CROCC: variants seen among roughly 807,000 people sequenced by gnomAD.
CROCC encodes the protein ciliary rootlet coiled-coil, rootletin.
In CROCC, 180 loss-of-function variants were observed where a neutral mutation model predicts 245.2. The ratio of observed to expected loss-of-function variants is 0.73; its 90% CI spans 0.65 to 0.83. CROCC has a LOEUF of 0.83. Among genes scored for constraint, CROCC ranks in the 40% least tolerant of loss-of-function variants. The probability of loss-of-function intolerance (pLI) is 0.00; values close to 1 mark genes in which losing one functional copy is unlikely to be tolerated. For synonymous variants in CROCC, 1,205 were observed against 1,241.6 expected, an observed-to-expected ratio of 0.97 and a Z score of 0.62; for missense variants, 2,688 against 2,779.4, an observed-to-expected ratio of 0.97 and a Z score of 0.74.
chr1:16,930,275 C>G lies in CROCC; in HGVS notation c.622-11C>G, dbSNP rs2075639908. On this transcript the variant is annotated splice_polypyrimidine_tract_variant and intron_variant, in intron 5 of 36. Transcript: ENST00000375541. ...TGCCCAACCTGATGCTTTAACCTCT[C>G]TCCCACCCAGGACACAGAGCACAGC... The G allele has an allele frequency of 6.3e-7, 1 of 1,599,186 alleles. No individual in the cohort carries two copies. Among genetic ancestry groups the G allele is most frequent in the Non-Finnish European group, 8.5e-7 (1 of 1,173,492 alleles).
Position 16,969,412 on chromosome 1 carries a change from G to A in CROCC, c.5301+72G>A, listed in dbSNP as rs1032434228. On this transcript the variant is annotated intron_variant, in intron 32 of 36. Coordinates refer to ENST00000375541, the MANE Select transcript of CROCC (RefSeq NM_014675.5). Reference sequence around the variant, plus strand: ...GCCAGTAAGAGCAGGCTTGGAGGGGGGCCCTGGTAGAGAGCCAGCCAATGG... The same window carrying A: ...GCCAGTAAGAGCAGGCTTGGAGGGGAGCCCTGGTAGAGAGCCAGCCAATGG... 4 of 1,449,614 alleles carry A rather than the reference G, an allele frequency of 2.8e-6. No homozygotes were observed. In the South Asian group the frequency reaches 3.7e-5, roughly 13 times the overall value. The allele number at this position is 1,449,614 out of a possible 1,614,324, so 89.8% of individuals were successfully genotyped here.
In CROCC at chr1:16,943,008, C is replaced by T. The variant is rs1354863996; in HGVS notation, c.1809-1092C>T. ...CTGTAATCCCAGCACTTTGGGAGGCCGAGGCAGGAGGACCACCTGAGGTCG... is the reference window on the plus strand; with the variant it reads ...CTGTAATCCCAGCACTTTGGGAGGCTGAGGCAGGAGGACCACCTGAGGTCG... On this transcript the variant is annotated intron_variant, in intron 13 of 36. Transcript: ENST00000375541. Among the ~76,000 whole-genome samples the T allele has an allele frequency of 3.9e-5, 6 of 152,318 alleles. No individual in the cohort carries two copies. The South Asian group carries it at 6.2e-4, about 16-fold the overall frequency.
upstream of CROCC, chr1:16,921,808 C>G: frequency 1.7e-6 from 1 of 574,860 alleles, no homozygotes; most frequent in South Asian, 2.3e-5. Context: ...CTCCCTGCCT[C>G]TGCTTCCCTC....
chr1:16,944,350 C>A lies in CROCC; in HGVS notation c.1991+68C>A, dbSNP rs6662906. On this transcript the variant is annotated intron_variant, in intron 14 of 36. Coordinates refer to ENST00000375541, the MANE Select transcript of CROCC (RefSeq NM_014675.5). ...CCTCGGGTCCCCTGACAGTGCCCCC[C>A]TGGGGTTAGGTGACACCCACTGGGT... 2.0e-3 allele frequency: 2,897 copies of A among 1,443,070 alleles called. 1 individual carries two copies. Among genetic ancestry groups the A allele is most frequent in the Middle Eastern group, 6.9e-3 (34 of 4,894 alleles). The allele number at this position is 1,443,070 out of a possible 1,614,324, so 89.4% of individuals were successfully genotyped here. A position where few individuals can be genotyped will look rare whatever the true frequency, so the allele number is the denominator to read the frequency against.
At position 16,954,712 on chromosome 1, in the gene CROCC, C is replaced by G; in HGVS notation, c.3322-22C>G. The G allele has an allele frequency of 6.5e-7, 1 of 1,535,676 alleles. No homozygotes were observed. Among genetic ancestry groups the G allele is most frequent in the Non-Finnish European group, 8.8e-7 (1 of 1,137,092 alleles). Reference sequence around the variant, plus strand: ...GCTGGGGGACACAGCAGGACCAAGTCTGAGGAGCCCCTCTGTCCCAGAGCA... The same window carrying G: ...GCTGGGGGACACAGCAGGACCAAGTGTGAGGAGCCCCTCTGTCCCAGAGCA... On this transcript the variant is annotated intron_variant, in intron 22 of 36. Coordinates refer to ENST00000375541, the MANE Select transcript of CROCC (RefSeq NM_014675.5). The surrounding 1 kb of genome is among the most constrained non-coding windows in gnomAD (Gnocchi z 4.4).
At chr1:16,933,516 G>C (rs1186374520) in intron 8 of CROCC, among the ~76,000 whole-genome samples, 1 of 152,198 alleles carries the variant, frequency 6.6e-6, no homozygotes, top group Non-Finnish European at 1.5e-5. Flanking sequence ...TTTACAATTT[G>C]TTTGAATCTC....
In CROCC at chr1:16,922,707, G is replaced by A. The variant is rs764907596; in HGVS notation, c.105G>A (p.Ala35=). The A allele has an allele frequency of 4.2e-5, 68 of 1,613,566 alleles. No individual in the cohort carries two copies. In the East Asian group the frequency reaches 4.7e-4, roughly 11 times the overall value. ...TGTGCCAGGAGAAAGGCTTGGGCGCGCGGGACCTGGCCCAGGACGCTCAGA... is the reference window on the plus strand; with the variant it reads ...TGTGCCAGGAGAAAGGCTTGGGCGCACGGGACCTGGCCCAGGACGCTCAGA... ...SVLCQEKGLG[A]RDLAQDAQIT... The change falls in exon 2 of 37, where the codon GCG becomes GCA. Residue 35 remains alanine (A), a synonymous_variant. Coordinates refer to ENST00000375541, the MANE Select transcript of CROCC (RefSeq NM_014675.5).
chr1:16,933,800 C>A (rs1279576583), intron 8 of CROCC, among the ~76,000 whole-genome samples: 3 of 152,276 alleles, frequency 2.0e-5, no homozygotes, highest in Non-Finnish European at 4.4e-5. Flanking sequence ...CTCAGGTGAT[C>A]CACCTACCTT....
intron 3 of CROCC, among the ~76,000 whole-genome samples, chr1:16,927,701 G>C (rs2075567279): frequency 6.6e-6 from 1 of 152,282 alleles, no homozygotes; most frequent in South Asian, 2.1e-4. Context: ...CAACATCAGT[G>C]CACAGCCTGT....
At chr1:16,947,348 A>G (rs2076072313) in intron 17 of CROCC, among the ~76,000 whole-genome samples, 1 of 152,250 alleles carries the variant, frequency 6.6e-6, no homozygotes, top group Admixed American at 6.5e-5. Flanking sequence ...ACGCGCCTGT[A>G]GTCCCAGCTA....
chr1:16,914,799 G>A (rs1245224943), intron 1 of CROCC, among the ~76,000 whole-genome samples: 3 of 152,280 alleles, frequency 2.0e-5, no homozygotes, highest in Non-Finnish European at 4.4e-5. Flanking sequence ...CCATGCTGGG[G>A]CGGATGTCTG....
In CROCC at chr1:16,954,477, A is replaced by G; in HGVS notation, c.3321+120A>G. 2 of 1,384,500 alleles carry G rather than the reference A, an allele frequency of 1.4e-6. No homozygotes were observed. Among genetic ancestry groups the G allele is most frequent in the African/African-American group, 1.5e-5 (1 of 68,854 alleles). The allele number at this position is 1,384,500 out of a possible 1,614,324, so 85.8% of individuals were successfully genotyped here. A position where few individuals can be genotyped will look rare whatever the true frequency, so the allele number is the denominator to read the frequency against. ...AGAAGCTTCCAGGCTGTGGGAAAGG[A>G]GGTTTAGCCCTTCTTTTGGGAGCCC... On this transcript the variant is annotated intron_variant, in intron 22 of 36. Transcript: ENST00000375541. This position sits in a 1 kb window ranked among gnomAD's most constrained non-coding sequence, Gnocchi z 4.4.
At chr1:16,938,766 G>A in intron 11 of CROCC, 143 bp from the exon 12 acceptor site, 1 of 864,216 alleles carries the variant, frequency 1.2e-6, no homozygotes, top group Non-Finnish European at 1.8e-6. Flanking sequence ...TGAGCTAGTG[G>A]AGGAGGTGAA....
intron 8 of CROCC, 41 bp downstream of exon 8, chr1:16,931,438 C>A: frequency 6.5e-7 from 1 of 1,535,632 alleles, no homozygotes; most frequent in Non-Finnish European, 9.0e-7. Context: ...TGAGAGCCAG[C>A]CCTGCTCTTT....
At chr1:16,923,231 A>T (rs566445361) in intron 2 of CROCC, among the ~76,000 whole-genome samples, 1 of 152,256 alleles carries the variant, frequency 6.6e-6, no homozygotes, top group Non-Finnish European at 1.5e-5. Context: ...TGCTCCTCTC[A>T]GTGGGTGGCG....
chr1:16,969,217 C>T lies in CROCC; in HGVS notation c.5178C>T (p.Asp1726=), dbSNP rs750484764. The stretch of plus-strand genomic sequence containing the variant: ...AGGAAAGCGAGGGGGCCCTGCGGGA[C>T]AAGGTGCGGGGCCTGACAGAGGCCC... ...KVEESEGALR[D]KVRGLTEALA... is the part of the protein sequence containing the mutation. Residue 1726 remains aspartate, a synonymous_variant, in exon 32 of 37, where the codon GAC becomes GAT. Coordinates refer to ENST00000375541, the MANE Select transcript of CROCC (RefSeq NM_014675.5). The T allele has an allele frequency of 3.1e-6, 5 of 1,611,166 alleles. No individual in the cohort carries two copies. The South Asian group carries it at 4.4e-5, about 14-fold the overall frequency.
chr1:16,924,016 A>G (rs1326706732), intron 2 of CROCC, among the ~76,000 whole-genome samples: 1 of 152,234 alleles, frequency 6.6e-6, no homozygotes, highest in African/African-American at 2.4e-5. Flanking sequence ...GGCCCCGGAG[A>G]AGAAGACTAA....
At chr1:16,969,043 A>G (rs1358129923) in intron 31 of CROCC, 73 bp from the exon 32 acceptor site, 1 of 1,391,762 alleles carries the variant, frequency 7.2e-7, no homozygotes, top group Non-Finnish European at 1.0e-6. Flanking sequence ...TGCCAGGTGG[A>G]GGTCACAGTG....
chr1:16,948,386 C>T lies in CROCC; in HGVS notation c.2570C>T (p.Ala857Val). ...GAGCTGGAGCAGGCCCGGCGGGAGG[C>T]CCAGCGGCAAGTGGAGGCGCTGGAG... Reference protein sequence around the residue: ...EQELEQARREAQRQVEALERA... With the variant: ...EQELEQARREVQRQVEALERA... Residue 857 changes from alanine (A) to valine (V), a missense_variant, in exon 18 of 37, where the codon GCC (alanine) becomes GTC (valine). Transcript: ENST00000375541. The T allele has an allele frequency of 6.3e-7, 1 of 1,577,972 alleles. No individual in the cohort carries two copies. Among genetic ancestry groups the T allele is most frequent in the Non-Finnish European group, 8.6e-7 (1 of 1,164,934 alleles).
Sources: gnomAD v4.1 joint callset for allele counts (sites outside exome capture counted in the v4.1 genomes callset) on GRCh38, gnomAD v4.1.1 for gene constraint, Gnocchi (gnomAD v3.1) non-coding constraint, MANE v1.5 for transcripts, NCBI Gene and HGNC (gene_info 2026-07-23, HGNC 2026-07-21) for gene names.